Variants in PRKAG1 observed in about 807,000 individuals in gnomAD.
PRKAG1 encodes 5'-AMP-activated protein kinase subunit gamma-1.
A neutral mutation model predicts 48.2 loss-of-function variants in PRKAG1; 27 were observed. The observed-to-expected ratio is 0.56, with a 90% CI of 0.41 to 0.77. The LOEUF is 0.77. Among genes scored for constraint, PRKAG1 ranks in the 30% least tolerant of loss-of-function variants. The pLI is 0.00. For synonymous variants in PRKAG1, 130 were observed against 147.7 expected (o/e 0.88, Z 0.87); for missense variants, 287 against 398.3 (o/e 0.72, Z 2.38).
chr12:49,012,954 G>T, intron 2 of PRKAG1, 108 bp downstream of exon 2: 1 of 1,141,478 alleles, frequency 8.8e-7, no homozygotes, highest in Non-Finnish European at 1.3e-6. Flanking sequence ...CACATTATCT[G>T]GCCCTGCTTT....
At position 49,018,729 on chromosome 12, in the gene PRKAG1, C is replaced by A. The variant is rs1254958070; in HGVS notation, c.9+3G>T. The A allele has an allele frequency of 6.2e-7, 1 of 1,613,276 alleles. No individual in the cohort carries two copies. Among genetic ancestry groups the A allele is most frequent in the Non-Finnish European group, 8.5e-7 (1 of 1,180,016 alleles). On this transcript the variant is annotated splice_donor_region_variant and intron_variant, in intron 1 of 11. Coordinates refer to ENST00000548065, the MANE Select transcript of PRKAG1 (RefSeq NM_002733.5). ...CCCCCGACCGCCCTCCTGCACTCCT[C>A]ACCGTCTCCATTGCAAGAGGCGCCC...
chr12:49,004,069 T>C (rs773607594), intron 8 of PRKAG1, 147 bp from the exon 9 acceptor site: 6 of 1,113,380 alleles, frequency 5.4e-6, no homozygotes, highest in Non-Finnish European at 7.4e-6. Context: ...GGGGACATAT[T>C]GCTTGAGCCC....
chr12:49,002,886 C>T lies in PRKAG1; in HGVS notation c.*13G>A, dbSNP rs780097319. ...GGCATATCCCCTGGTGCTGCATGACCCCTTCCCCCAGCTCAGGGCTTCTTC... is the reference window on the plus strand; with the variant it reads ...GGCATATCCCCTGGTGCTGCATGACTCCTTCCCCCAGCTCAGGGCTTCTTC... On this transcript the variant is annotated 3_prime_UTR_variant, in exon 12 of 12. Transcript: ENST00000548065. The T allele has an allele frequency of 2.5e-6, 4 of 1,609,708 alleles. No homozygotes were observed. The South Asian group carries it at 3.3e-5, about 13-fold the overall frequency.
chr12:49,015,991 G>A (rs1294678643), intron 1 of PRKAG1, among the ~76,000 whole-genome samples: 1 of 150,434 alleles, frequency 6.6e-6, no homozygotes, highest in Non-Finnish European at 1.5e-5. Flanking sequence ...TGTCATTCAG[G>A]CTGGAGTGCA....
In PRKAG1 at chr12:49,003,172, G is replaced by A; in HGVS notation, c.860C>T (p.Thr287Ile). The A allele has an allele frequency of 6.2e-7, 1 of 1,614,142 alleles. No individual in the cohort carries two copies. Among genetic ancestry groups the A allele is most frequent in the Non-Finnish European group, 8.5e-7 (1 of 1,180,032 alleles). ...TGCTTCCACTAGCCTGTTGATGATGGTCTCCAGAGTCTCATGCAGGTAGCA... is the reference window on the plus strand; with the variant it reads ...TGCTTCCACTAGCCTGTTGATGATGATCTCCAGAGTCTCATGCAGGTAGCA... ...LKCYLHETLE[T>I]IINRLVEAEV... Residue 287 changes from threonine to isoleucine, a missense_variant, in exon 11 of 12, where the codon ACC (threonine) becomes ATC (isoleucine). By Grantham distance (89) the Thr-to-Ile change is moderately conservative. Around this residue, in one of 2 missense-constraint regions of PRKAG1, gnomAD observed 224 missense variants for 344.3 expected, o/e 0.65. Coordinates refer to ENST00000548065, the MANE Select transcript of PRKAG1 (RefSeq NM_002733.5).
chr12:49,005,310 G>C lies in PRKAG1; in HGVS notation c.305C>G (p.Ala102Gly). 1 of 1,614,166 alleles carries C rather than the reference G, an allele frequency of 6.2e-7. No homozygotes were observed. Among genetic ancestry groups the C allele is most frequent in the Non-Finnish European group, 8.5e-7 (1 of 1,180,008 alleles). ...INILHRYYKS[A>G]LVQIYELEEH... ...CATTGGGTTAAGGTTCCTTACCAAG[G>C]CTGATTTATAGTAGCGGTGCAGGAT... Residue 102 changes from alanine (A) to glycine (G), a missense_variant, in exon 5 of 12, where the codon GCC (alanine) becomes GGC (glycine). Coordinates refer to ENST00000548065, the MANE Select transcript of PRKAG1 (RefSeq NM_002733.5). This position sits in a 1 kb window ranked among gnomAD's most constrained non-coding sequence, Gnocchi z 4.1.
At chr12:49,014,959 G>A (rs1047035275) in intron 1 of PRKAG1, among the ~76,000 whole-genome samples, 6 of 152,224 alleles carry the variant, frequency 3.9e-5, no homozygotes, top group Admixed American at 6.5e-5. Flanking sequence ...CATAGCTTCT[G>A]TAGTAACATG....
chr12:49,004,942 C>G (rs1419491626), intron 7 of PRKAG1, 22 bp downstream of exon 7: 19 of 1,611,790 alleles, frequency 1.2e-5, no homozygotes, highest in Non-Finnish European at 1.5e-5. Context: ...GCTTTTTGGA[C>G]AGATGGGTAA....
chr12:49,009,020 C>T (rs1005666596), intron 2 of PRKAG1, among the ~76,000 whole-genome samples: 8 of 151,924 alleles, frequency 5.3e-5, no homozygotes, highest in East Asian at 1.9e-4. Flanking sequence ...CTCTGTGTTG[C>T]CATTTTTCTT....
At chr12:49,012,002 C>A (rs1941779395) in intron 2 of PRKAG1, among the ~76,000 whole-genome samples, 1 of 152,214 alleles carries the variant, frequency 6.6e-6, no homozygotes, top group South Asian at 2.1e-4. Flanking sequence ...GGATTACAGG[C>A]ATGCAGCTCC....
intron 1 of PRKAG1, chr12:49,017,806 G>A (rs1942054014): frequency 6.6e-6 from 1 of 152,314 alleles, no homozygotes; most frequent in South Asian, 2.1e-4. Context: ...CTCTCTGTGA[G>A]CAGAGAAACG....
Position 49,005,219 on chromosome 12 carries a change from C to T in PRKAG1, c.310-54G>A, listed in dbSNP as rs960641541. The T allele has an allele frequency of 5.0e-6, 8 of 1,612,684 alleles. No homozygotes were observed. In the East Asian group the frequency reaches 6.7e-5, roughly 13 times the overall value. On this transcript the variant is annotated intron_variant, in intron 5 of 11. Transcript: ENST00000548065. The surrounding 1 kb of genome is among the most constrained non-coding windows in gnomAD (Gnocchi z 4.1). ...CCTGATCTCTCTGCTTCCTTAAGCC[C>T]TCGTGGCTTGCTTGGAGAAAAAGAA...
intron 1 of PRKAG1, chr12:49,018,493 A>G: frequency 7.2e-7 from 1 of 1,392,262 alleles, no homozygotes; most frequent in Non-Finnish European, 9.3e-7. Context: ...GCCAGGAGTC[A>G]CTGCCTGCTT....
At position 49,003,278 on chromosome 12, in the gene PRKAG1, C is replaced by G; in HGVS notation, c.754G>C (p.Glu252Gln). Residue 252 changes from glutamate to glutamine, a missense_variant, in exon 11 of 12, where the codon GAA (glutamate) becomes CAA (glutamine). Transcript: ENST00000548065. ...SKFDVINLAAEKTYNNLDVSV... is the reference protein window; with the variant it reads ...SKFDVINLAAQKTYNNLDVSV... ...ACATCTAGGTTGTTGTAGGTCTTTT[C>G]TGCTGCCAGATTCTGGGGAGACAGA... 1 of 1,614,140 alleles carries G rather than the reference C, an allele frequency of 6.2e-7. No individual in the cohort carries two copies. The highest frequency in any genetic ancestry group is 1.1e-5 in the South Asian group (1 of 91,084).
At chr12:49,015,654 T>G (rs1941938629) in intron 1 of PRKAG1, among the ~76,000 whole-genome samples, 1 of 151,856 alleles carries the variant, frequency 6.6e-6, no homozygotes, top group Non-Finnish European at 1.5e-5. Flanking sequence ...CTCACTGTAA[T>G]CTCCGCCTCC....
chr12:49,005,504 G>A lies in PRKAG1; in HGVS notation c.208C>T (p.Arg70Ter), dbSNP rs376578148. 1.9e-5 allele frequency: 30 copies of A among 1,614,028 alleles called. No individual in the cohort carries two copies. Among genetic ancestry groups the A allele is most frequent in the Non-Finnish European group, 2.4e-5 (28 of 1,180,036 alleles). Residue 70 changes from arginine (R) to a stop codon, truncating the protein, a stop_gained, in exon 4 of 12, where the codon CGA (arginine) becomes TGA (stop). Coordinates refer to ENST00000548065, the MANE Select transcript of PRKAG1 (RefSeq NM_002733.5). LOFTEE classifies it high-confidence loss of function. This position sits in a 1 kb window ranked among gnomAD's most constrained non-coding sequence, Gnocchi z 4.1. ...AFFALVTNGV[R>*]AAPLWDSKKQ... Reference sequence around the variant, plus strand: ...TTACTATCCCATAAAGGGGCAGCTCGTACACCGTTAGTCACCAAAGCAAAA... The same window carrying A: ...TTACTATCCCATAAAGGGGCAGCTCATACACCGTTAGTCACCAAAGCAAAA...
At chr12:49,009,979 T>C (rs1211722923) in intron 2 of PRKAG1, among the ~76,000 whole-genome samples, 1 of 152,266 alleles carries the variant, frequency 6.6e-6, no homozygotes, top group Non-Finnish European at 1.5e-5. Context: ...TCTAAGATTA[T>C]ATTAATGTTA....
At chr12:49,013,565 T>C (rs893529038) in intron 1 of PRKAG1, among the ~76,000 whole-genome samples, 4 of 152,128 alleles carry the variant, frequency 2.6e-5, no homozygotes, top group Admixed American at 1.3e-4. Context: ...TTCAGAAATA[T>C]GATCTCATTT....
At chr12:49,009,022 ATTTTTC>A (rs1211551358) in intron 2 of PRKAG1, among the ~76,000 whole-genome samples, 2 of 149,132 alleles carry the variant, frequency 1.3e-5, no homozygotes, top group Non-Finnish European at 3.0e-5. Context: ...CTGTGTTGCC[ATTTTTC>A]TTTTTCTATG....
Sources: gnomAD v4.1 joint callset for allele counts (sites outside exome capture counted in the v4.1 genomes callset) on GRCh38, gnomAD v4.1.1 for gene constraint, gnomAD v4.1.1 regional missense constraint, Gnocchi (gnomAD v3.1) non-coding constraint, MANE v1.5 for transcripts, NCBI Gene and HGNC (gene_info 2026-07-23, HGNC 2026-07-21) for gene names.